SPATA13: variants seen among roughly 807,000 people sequenced by gnomAD.
The protein encoded by SPATA13 is spermatogenesis associated 13.
SPATA13 carries 50 observed loss-of-function variants against 104.0 expected under a neutral mutation model. The ratio of observed to expected loss-of-function variants is 0.48; its 90% CI spans 0.38 to 0.61. The LOEUF (loss-of-function observed/expected upper bound fraction) is 0.61. Among genes scored for constraint, SPATA13 ranks in the 20% least tolerant of loss-of-function variants. The pLI is 0.00. For synonymous variants in SPATA13, 606 were observed against 667.5 expected (o/e 0.91, Z 1.42); for missense variants, 1,524 against 1,690.6 (o/e 0.90, Z 1.73).
At chr13:24,143,005 G>A (rs1881812786) in intron 3 of SPATA13, among the ~76,000 whole-genome samples, 1 of 152,188 alleles carries the variant, frequency 6.6e-6, no homozygotes, top group Non-Finnish European at 1.5e-5. Context: ...TCACACAGAA[G>A]CTGACCCTGA....
At chr13:24,142,791 C>G (rs974029343) in intron 3 of SPATA13, among the ~76,000 whole-genome samples, 7 of 152,016 alleles carry the variant, frequency 4.6e-5, no homozygotes, top group African/African-American at 1.7e-4. Context: ...TGGTAGGTCA[C>G]TCAAAAAGCT....
At chr13:24,044,256 C>T (rs1217605187) in intron 3 of SPATA13, among the ~76,000 whole-genome samples, 1 of 123,102 alleles carries the variant, frequency 8.1e-6, no homozygotes, top group African/African-American at 2.9e-5. Flanking sequence ...TTTTTTGAGA[C>T]GTAGTCTTGC....
In SPATA13 at chr13:23,991,635, C is replaced by A. The variant is rs1466582391; in HGVS notation, c.-147+7702C>A. Reference sequence around the variant, plus strand: ...GCATTGATAAGACTCATGTTCATAGCAAGTCCAGCACCGTGCATATTGTGC... The same window carrying A: ...GCATTGATAAGACTCATGTTCATAGAAAGTCCAGCACCGTGCATATTGTGC... On this transcript the variant is annotated intron_variant, in intron 2 of 14. Coordinates refer to the SPATA13 transcript ENST00000424834. 2.0e-5 allele frequency among the ~76,000 whole-genome samples: 3 copies of A among 152,104 alleles called. No homozygotes were observed. The East Asian group carries it at 5.8e-4, about 29-fold the overall frequency.
At chr13:24,291,752 TTTTA>T (rs1566197923) in intron 9 of SPATA13, among the ~76,000 whole-genome samples, 3 of 104,324 alleles carry the variant, frequency 2.9e-5, no homozygotes, top group African/African-American at 7.7e-5. Flanking sequence ...TTTTTTATTT[TTTTA>T]TTTTTTTTTT....
chr13:24,070,576 A>G (rs1187128556), intron 3 of SPATA13, among the ~76,000 whole-genome samples: 1 of 152,248 alleles, frequency 6.6e-6, no homozygotes, highest in Non-Finnish European at 1.5e-5. Context: ...TTATGTGTCA[A>G]CTTGACTGGG....
At chr13:24,278,114 A>G (rs571670984) in intron 4 of SPATA13, among the ~76,000 whole-genome samples, 290 of 152,346 alleles carry the variant, frequency 1.9e-3, no homozygotes, top group African/African-American at 6.7e-3. Context: ...GGAGGGCAGG[A>G]CATACGGCTG....
Position 24,083,232 on chromosome 13 carries a change from A to G in SPATA13, c.-112+65531A>G, listed in dbSNP as rs118173508. Among the ~76,000 whole-genome samples, 132 of 152,340 alleles carry G rather than the reference A, an allele frequency of 8.7e-4. 1 individual carries two copies. The East Asian group carries it at 0.024, about 28-fold the overall frequency. On this transcript the variant is annotated intron_variant, in intron 3 of 14. Coordinates refer to the SPATA13 transcript ENST00000424834. ...AGTGGAGACCCCCTAGGGCAATAGAATAGAAAGGCACCTTTTTGCAAATGC... is the reference window on the plus strand; with the variant it reads ...AGTGGAGACCCCCTAGGGCAATAGAGTAGAAAGGCACCTTTTTGCAAATGC...
At chr13:24,056,353 A>G (rs1314956062) in intron 3 of SPATA13, among the ~76,000 whole-genome samples, 2 of 152,246 alleles carry the variant, frequency 1.3e-5, no homozygotes, top group Non-Finnish European at 2.9e-5. Flanking sequence ...AAGGTTACAC[A>G]TCTGGTTAAC....
At chr13:24,059,369 T>C (rs1878698935) in intron 3 of SPATA13, among the ~76,000 whole-genome samples, 1 of 151,944 alleles carries the variant, frequency 6.6e-6, no homozygotes, top group African/African-American at 2.4e-5. Context: ...CTCAGAAGAT[T>C]GTTCTCAGTA....
chr13:24,030,618 G>T (rs1474613123), intron 3 of SPATA13, among the ~76,000 whole-genome samples: 1 of 152,142 alleles, frequency 6.6e-6, no homozygotes, highest in East Asian at 1.9e-4. Context: ...GATGCCCCAG[G>T]CTGTCTGAGT....
At chr13:24,214,103 C>T (rs574129927) in intron 1 of SPATA13, among the ~76,000 whole-genome samples, 34 of 152,364 alleles carry the variant, frequency 2.2e-4, no homozygotes, top group Non-Finnish European at 4.4e-4. Context: ...CCTGGTGGCA[C>T]ATCACTTCTA....
chr13:24,264,536 A>G (rs757852259), intron 4 of SPATA13, among the ~76,000 whole-genome samples: 1 of 152,236 alleles, frequency 6.6e-6, no homozygotes, highest in Non-Finnish European at 1.5e-5. Context: ...AGTTTCCCGT[A>G]TGTTTTCTCC....
chr13:24,227,682 T>C (rs913190276), intron 2 of SPATA13, among the ~76,000 whole-genome samples: 2 of 152,122 alleles, frequency 1.3e-5, no homozygotes, highest in African/African-American at 4.8e-5. Context: ...GCAGTTCTCA[T>C]GTCTCAGCCT....
chr13:24,022,119 T>C (rs1877006936), intron 3 of SPATA13, among the ~76,000 whole-genome samples: 1 of 150,502 alleles, frequency 6.6e-6, no homozygotes. Context: ...CTCATCTCAC[T>C]GCAGCTTCCA....
At chr13:24,216,686 T>G (rs1197520722) in intron 1 of SPATA13, among the ~76,000 whole-genome samples, 2 of 152,164 alleles carry the variant, frequency 1.3e-5, no homozygotes, top group African/African-American at 2.4e-5. Flanking sequence ...GGAAGGACGG[T>G]GTCTGGCATT....
chr13:24,096,543 G>T (rs981037820), intron 3 of SPATA13, among the ~76,000 whole-genome samples: 4 of 152,140 alleles, frequency 2.6e-5, no homozygotes, highest in Admixed American at 1.3e-4. Context: ...AGGTTGCAGT[G>T]AGCCAAGATC....
At chr13:24,052,841 G>GCCCCCCCGCCCCCCCCCGCCC (rs1555257406) in intron 3 of SPATA13, among the ~76,000 whole-genome samples, 4 of 58,966 alleles carry the variant, frequency 6.8e-5, no homozygotes, top group African/African-American at 1.4e-4. Flanking sequence ...GATCCTCCCC[G>GCCCCCCCGCCCCCCCCCGCCC]CCACTGTGCC....
At chr13:24,021,782 G>C (rs1289741816) in intron 3 of SPATA13, among the ~76,000 whole-genome samples, 1 of 151,700 alleles carries the variant, frequency 6.6e-6, no homozygotes, top group Non-Finnish European at 1.5e-5. Context: ...CATGATCTTG[G>C]CTCACTGCAA....
At chr13:24,214,897 G>T (rs565464311) in intron 1 of SPATA13, among the ~76,000 whole-genome samples, 3 of 152,116 alleles carry the variant, frequency 2.0e-5, no homozygotes, top group Non-Finnish European at 4.4e-5. Flanking sequence ...TGAACTTCTC[G>T]CAAAAGTCAG....
Sources: allele counts gnomAD v4.1 joint callset (sites outside exome capture counted in the v4.1 genomes callset), GRCh38; gene constraint gnomAD v4.1.1; transcripts MANE v1.5; gene names NCBI Gene and HGNC (gene_info 2026-07-23, HGNC 2026-07-21).